NFASC: variants seen among roughly 807,000 people sequenced by gnomAD.
The protein encoded by NFASC is neurofascin homolog.
NFASC carries 43 observed loss-of-function variants against 147.5 expected under a neutral mutation model. The ratio of observed to expected loss-of-function variants is 0.29; its 90% CI spans 0.23 to 0.38. NFASC has a LOEUF of 0.38. Among genes scored for constraint, NFASC ranks in the 10% least tolerant of loss-of-function variants. The probability of loss-of-function intolerance (pLI) is 1.00; values close to 1 mark genes in which losing one functional copy is unlikely to be tolerated. For synonymous variants in NFASC, 622 were observed against 665.5 expected, an observed-to-expected ratio of 0.93 and a Z score of 1.01; for missense variants, 1,320 against 1,689.0, an observed-to-expected ratio of 0.78 and a Z score of 3.83.
At chr1:204,884,731 G>A (rs192629644) in intron 1 of NFASC, among the ~76,000 whole-genome samples, 97 of 152,300 alleles carry the variant, frequency 6.4e-4, no homozygotes, top group African/African-American at 2.3e-3. Context: ...TACCGTTTGA[G>A]TGCCCAGCAC....
chr1:204,945,546 G>A (rs965213951), intron 3 of NFASC, among the ~76,000 whole-genome samples: 1 of 152,218 alleles, frequency 6.6e-6, no homozygotes, highest in African/African-American at 2.4e-5. Context: ...GGACTTTTTG[G>A]ATGATAGAAC....
chr1:204,976,147 A>G (rs2095398386), intron 15 of NFASC, among the ~76,000 whole-genome samples: 1 of 152,098 alleles, frequency 6.6e-6, no homozygotes, highest in Admixed American at 6.5e-5. Context: ...TCCCCTCTGT[A>G]AACCTTCTGG....
intron 2 of NFASC, among the ~76,000 whole-genome samples, chr1:204,935,932 C>T (rs1455882170): frequency 2.0e-5 from 3 of 152,200 alleles, no homozygotes; most frequent in Non-Finnish European, 4.4e-5. Flanking sequence ...ATGTCAGTCA[C>T]TCTCCTTTCC....
intron 2 of NFASC, among the ~76,000 whole-genome samples, chr1:204,926,301 T>G (rs1468851307): frequency 6.7e-6 from 1 of 149,662 alleles, no homozygotes; most frequent in African/African-American, 2.5e-5. Context: ...ATGTGTAAAT[T>G]TATCCATTTT....
chr1:204,930,834 G>A (rs889420857), intron 2 of NFASC, among the ~76,000 whole-genome samples: 19 of 152,212 alleles, frequency 1.2e-4, no homozygotes, highest in African/African-American at 3.9e-4. Context: ...CAGAAAGCAC[G>A]TGGCCTATAC....
intron 12 of NFASC, among the ~76,000 whole-genome samples, 155 bp downstream of exon 12, chr1:204,973,574 G>GA (rs1573978910): frequency 1.3e-5 from 2 of 152,220 alleles, no homozygotes; most frequent in Non-Finnish European, 1.5e-5. Flanking sequence ...ATGGAGATGG[G>GA]AAAAAATTTG....
rs749817514 is a variant in NFASC at position 204,997,291 on chromosome 1, TACCACCATCGCCACCACC to T, written c.2911_2928del (p.Ile971_Thr976del). 2 of 1,608,236 alleles carry T rather than the reference TACCACCATCGCCACCACC, an allele frequency of 1.2e-6. No homozygotes were observed. The highest frequency in any genetic ancestry group is 4.5e-5 in the East Asian group (2 of 44,456). ...TCCCCATCATCCCAACTGTCGCACCTACCACCATCGCCACCACCACCACCGTCGCCACAACTACTACAA... is the reference window on the plus strand; with the variant it reads ...TCCCCATCATCCCAACTGTCGCACCTACCACCGTCGCCACAACTACTACAA... On this transcript the variant is annotated inframe_deletion, in exon 25 of 30. Coordinates refer to ENST00000339876, the MANE Select transcript of NFASC (RefSeq NM_001005388.3).
intron 1 of NFASC, among the ~76,000 whole-genome samples, chr1:204,833,280 A>G (rs1180166067): frequency 6.6e-6 from 1 of 152,280 alleles, no homozygotes; most frequent in Non-Finnish European, 1.5e-5. Flanking sequence ...GGTTAACCCT[A>G]CAAATGAGAT....
chr1:204,979,639 A>T lies in NFASC; in HGVS notation c.2176+80A>T. The T allele has an allele frequency of 7.4e-7, 1 of 1,354,774 alleles. No homozygotes were observed. The allele number at this position is 1,354,774 out of a possible 1,614,324, so 83.9% of individuals were successfully genotyped here. ...CACTGAGATCCCCCCATTCCCAGCCATGTGAACTTAGGTTACTTAACTTCT... is the reference window on the plus strand; with the variant it reads ...CACTGAGATCCCCCCATTCCCAGCCTTGTGAACTTAGGTTACTTAACTTCT... On this transcript the variant is annotated intron_variant, in intron 19 of 29. Transcript: ENST00000339876. This position sits in a 1 kb window ranked among gnomAD's most constrained non-coding sequence, Gnocchi z 6.0.
At chr1:204,829,518 G>A (rs1671605885) in intron 1 of NFASC, among the ~76,000 whole-genome samples, 1 of 152,122 alleles carries the variant, frequency 6.6e-6, no homozygotes, top group African/African-American at 2.4e-5. Flanking sequence ...GATCTTGGTT[G>A]TGGAATATAA....
At chr1:204,988,010 C>T (rs2095650640) in intron 22 of NFASC, among the ~76,000 whole-genome samples, 1 of 152,178 alleles carries the variant, frequency 6.6e-6, no homozygotes, top group African/African-American at 2.4e-5. Flanking sequence ...GAATCAGGAG[C>T]CTGGGTTGGA....
chr1:204,942,926 C>T (rs900574132), intron 2 of NFASC, among the ~76,000 whole-genome samples: 1 of 152,110 alleles, frequency 6.6e-6, no homozygotes, highest in Admixed American at 6.5e-5. Context: ...GCTTTTTGCT[C>T]CAGGTCTCCA....
chr1:204,940,645 G>A (rs1413692796), intron 2 of NFASC, among the ~76,000 whole-genome samples: 2 of 152,132 alleles, frequency 1.3e-5, no homozygotes, highest in East Asian at 3.9e-4. Flanking sequence ...TTGTCTCAGT[G>A]TATGTATCTA....
chr1:204,977,773 C>A, intron 17 of NFASC, 48 bp downstream of exon 17: 1 of 1,562,784 alleles, frequency 6.4e-7, no homozygotes, highest in Non-Finnish European at 8.8e-7. Flanking sequence ...CTCTTGGCAC[C>A]CAGGGTGTGG....
rs115859636 is a variant in NFASC, at chr1:204,921,670, C to A, written c.-91+930C>A. Among the ~76,000 whole-genome samples the A allele has an allele frequency of 8.1e-3, 1,232 of 152,194 alleles. 21 individuals carry two copies. The highest frequency in any genetic ancestry group is 0.028 in the African/African-American group (1,165 of 41,508). On this transcript the variant is annotated intron_variant, in intron 2 of 29. Coordinates refer to ENST00000339876, the MANE Select transcript of NFASC (RefSeq NM_001005388.3). ...GCTTTGTGACCTTGGGAACGCTGAA[C>A]CCCTCTAGGCCTCAGTTTCCTAGTT... is the stretch of plus-strand genomic sequence containing the variant.
chr1:204,912,453 CA>C (rs2087819128), intron 1 of NFASC, among the ~76,000 whole-genome samples: 1 of 151,006 alleles, frequency 6.6e-6, no homozygotes, highest in South Asian at 2.1e-4. Context: ...CCCAGCTACT[CA>C]GGGGGGCTGA....
chr1:204,828,929 A>G lies in NFASC; in HGVS notation c.-200+147A>G, dbSNP rs946828597. 7.5e-5 allele frequency: 23 copies of G among 308,572 alleles called. No individual in the cohort carries two copies. In the Admixed American group the frequency reaches 1.8e-3, roughly 24 times the overall value. 19.1% of individuals were successfully genotyped at this position (308,572 alleles called of 1,614,324 possible). ...CACATTCCCATCCCTTCCCCTCTCC[A>G]CACTGTCACCTGCCCCGAATCCATC... On this transcript the variant is annotated intron_variant, in intron 1 of 29. Coordinates refer to ENST00000339876, the MANE Select transcript of NFASC (RefSeq NM_001005388.3).
At chr1:204,996,645 CTGTT>C (rs1242614619) in intron 24 of NFASC, among the ~76,000 whole-genome samples, 1 of 152,192 alleles carries the variant, frequency 6.6e-6, no homozygotes, top group Non-Finnish European at 1.5e-5. Flanking sequence ...GTTTGGGTGG[CTGTT>C]TGGGCTCATG....
At chr1:204,900,192 CTGTT>C (rs1315753673) in intron 1 of NFASC, among the ~76,000 whole-genome samples, 2 of 152,156 alleles carry the variant, frequency 1.3e-5, no homozygotes, top group Non-Finnish European at 2.9e-5. Flanking sequence ...AATAAATACT[CTGTT>C]TGAGAGCCTG....
Sources: allele counts gnomAD v4.1 joint callset (sites outside exome capture counted in the v4.1 genomes callset), GRCh38; gene constraint gnomAD v4.1.1; non-coding constraint Gnocchi (gnomAD v3.1); transcripts MANE v1.5; gene names NCBI Gene and HGNC (gene_info 2026-07-23, HGNC 2026-07-21).